Variants in PRRC2B observed in about 807,000 individuals in gnomAD.
The protein encoded by PRRC2B is protein PRRC2B.
PRRC2B carries 68 observed loss-of-function variants against 242.3 expected under a neutral mutation model. The observed-to-expected ratio is 0.28, with a 90% CI of 0.23 to 0.34. PRRC2B has a LOEUF of 0.34. PRRC2B is among the 10% of genes least tolerant of loss of function. The pLI is 1.00. For synonymous variants in PRRC2B, 1,228 were observed against 1,173.6 expected (o/e 1.05, Z -0.95); for missense variants, 2,835 against 2,954.8 (o/e 0.96, Z 0.94).
At chr9:131,476,690 C>T (rs1943711720) in intron 16 of PRRC2B, among the ~76,000 whole-genome samples, 155 bp downstream of exon 16, 1 of 152,168 alleles carries the variant, frequency 6.6e-6, no homozygotes, top group Non-Finnish European at 1.5e-5. Context: ...CCCACATTGC[C>T]TGTCTGCTTC....
intron 5 of PRRC2B, among the ~76,000 whole-genome samples, chr9:131,443,929 T>C (rs921530519): frequency 1.3e-5 from 2 of 152,186 alleles, no homozygotes; most frequent in African/African-American, 2.4e-5. Flanking sequence ...GCGGCTGTGA[T>C]GTCTTACCTC....
At chr9:131,421,052 T>C (rs552709531) in intron 1 of PRRC2B, among the ~76,000 whole-genome samples, 5 of 152,316 alleles carry the variant, frequency 3.3e-5, no homozygotes, top group African/African-American at 1.2e-4. Flanking sequence ...TTTTATGTAT[T>C]GTCTGGGGCT....
chr9:131,383,600 CTTTTTT>C (rs561717754), intron 1 of PRRC2B, among the ~76,000 whole-genome samples: 10 of 120,624 alleles, frequency 8.3e-5, no homozygotes, highest in South Asian at 5.2e-4. Flanking sequence ...TTTGGTTTCT[CTTTTTT>C]TTTTTTTTTT....
chr9:131,395,153 T>C (rs1837011774), intron 1 of PRRC2B, among the ~76,000 whole-genome samples: 1 of 151,604 alleles, frequency 6.6e-6, no homozygotes. Flanking sequence ...GTGTTTTCAG[T>C]GGTGAGCTTG....
rs752352017 is a variant in PRRC2B, at chr9:131,477,806, C to T, written c.4469C>T (p.Pro1490Leu). The T allele has an allele frequency of 3.7e-6, 6 of 1,611,718 alleles. No individual in the cohort carries two copies. Among genetic ancestry groups the T allele is most frequent in the South Asian group, 2.2e-5 (2 of 91,018 alleles). Residue 1490 changes from proline to leucine, a missense_variant, in exon 17 of 32, where the codon CCC becomes CTC. Physicochemically the swap from Pro to Leu is moderately conservative, Grantham distance 98. Around this residue, in one of 7 missense-constraint regions of PRRC2B, gnomAD observed 1,536 missense variants for 1,483.1 expected, o/e 1.04. Transcript: ENST00000683519. Reference sequence around the variant, plus strand: ...TGCAGCAGTGGGAGTGGCCACTCCCCCTATGCCCTGGAGCGGGCAGCCCAT... The same window carrying T: ...TGCAGCAGTGGGAGTGGCCACTCCCTCTATGCCCTGGAGCGGGCAGCCCAT... ...SGCSSGSGHS[P>L]YALERAAHAS...
chr9:131,412,731 A>C (rs1173043445), intron 1 of PRRC2B, among the ~76,000 whole-genome samples: 1 of 151,852 alleles, frequency 6.6e-6, no homozygotes, highest in African/African-American at 2.4e-5. Context: ...GAAATTGACA[A>C]ACTCATTCTG....
In PRRC2B at chr9:131,497,014, CCA is replaced by C. The variant is rs1266749101; in HGVS notation, c.*1145_*1146del. On this transcript the variant is annotated 3_prime_UTR_variant, in exon 32 of 32. Coordinates refer to ENST00000683519, the MANE Select transcript of PRRC2B (RefSeq NM_013318.4). ...CTTTCTCTGGACCTGTCTCCACCTC[CCA>C]CACAGCTCATCGTGAACACCACTTG... The C allele has an allele frequency of 6.6e-6, 1 of 152,386 alleles. No individual in the cohort carries two copies. The highest frequency in any genetic ancestry group is 1.5e-5 in the Non-Finnish European group (1 of 68,136). The allele number at this position is 152,386 out of a possible 1,614,324, so 9.4% of individuals were successfully genotyped here. A position where few individuals can be genotyped will look rare whatever the true frequency, so the allele number is the denominator to read the frequency against.
At chr9:131,404,422 A>G (rs773852629) in intron 1 of PRRC2B, among the ~76,000 whole-genome samples, 2 of 151,966 alleles carry the variant, frequency 1.3e-5, no homozygotes, top group Admixed American at 6.6e-5. Flanking sequence ...AGATTTCACT[A>G]TGTTGGCCAG....
At chr9:131,400,261 T>A (rs1169072407) in intron 1 of PRRC2B, among the ~76,000 whole-genome samples, 1 of 152,078 alleles carries the variant, frequency 6.6e-6, no homozygotes, top group Non-Finnish European at 1.5e-5. Context: ...AAGTTTTGTA[T>A]TTTTTTGTGG....
In PRRC2B at chr9:131,436,693, C is replaced by A. The variant is rs78203057; in HGVS notation, c.367C>A (p.Gln123Lys). The A allele has an allele frequency of 6.2e-7, 1 of 1,613,886 alleles. No homozygotes were observed. The highest frequency in any genetic ancestry group is 8.5e-7 in the Non-Finnish European group (1 of 1,179,900). ...PGLQKSVSNL[Q>K]KPTQSISQEN... The stretch of plus-strand genomic sequence containing the variant: ...TTTGCAGAAATCTGTCTCCAATTTG[C>A]AGAAACCGACACAGTCAATCAGTCA... The change falls in exon 4 of 32, where the codon CAG becomes AAG. Residue 123 changes from glutamine to lysine, a missense_variant. Gln to Lys is a moderately conservative substitution (Grantham distance 53, BLOSUM62 1). Around this residue, in one of 7 missense-constraint regions of PRRC2B, gnomAD observed 626 missense variants for 685.5 expected, o/e 0.91. Transcript: ENST00000683519.
chr9:131,470,679 A>C, intron 13 of PRRC2B, 109 bp from the exon 14 acceptor site: 1 of 820,286 alleles, frequency 1.2e-6, no homozygotes, highest in Non-Finnish European at 2.0e-6. Context: ...CTTCTGTTCT[A>C]GGTGGGCTTT....
At chr9:131,469,163 A>T (rs564142217) in intron 13 of PRRC2B, among the ~76,000 whole-genome samples, 5 of 152,054 alleles carry the variant, frequency 3.3e-5, no homozygotes, top group Non-Finnish European at 7.4e-5. Context: ...GTGAAACCCC[A>T]TCTCTACTAA....
Position 131,459,345 on chromosome 9 carries a change from C to G in PRRC2B, c.1393C>G (p.Pro465Ala). Residue 465 changes from proline (P) to alanine (A), a missense_variant, in exon 11 of 32, where the codon CCT becomes GCT. Physicochemically the swap from Pro to Ala is conservative, Grantham distance 27 (BLOSUM62 -1). Transcript: ENST00000683519. Reference sequence around the variant, plus strand: ...GAAGCTTCATGGCTGGGCACCAGGCCCTGACTACCAGGTACCAAGGGCCCT... The same window carrying G: ...GAAGCTTCATGGCTGGGCACCAGGCGCTGACTACCAGGTACCAAGGGCCCT... Reference protein sequence around the residue: ...PRKLHGWAPGPDYQKSSMGSM... With the variant: ...PRKLHGWAPGADYQKSSMGSM... 1 of 1,612,950 alleles carries G rather than the reference C, an allele frequency of 6.2e-7. No homozygotes were observed. The highest frequency in any genetic ancestry group is 8.5e-7 in the Non-Finnish European group (1 of 1,179,412).
intron 11 of PRRC2B, among the ~76,000 whole-genome samples, chr9:131,463,495 A>G (rs968675911): frequency 6.6e-6 from 1 of 152,092 alleles, no homozygotes; most frequent in African/African-American, 2.4e-5. Context: ...ACAGCTGTCC[A>G]TCATTTGTCC....
At chr9:131,448,543 C>CCAAAAAAAAAAAAA (rs1838883733) in intron 9 of PRRC2B, among the ~76,000 whole-genome samples, 1 of 39,894 alleles carries the variant, frequency 2.5e-5, no homozygotes, top group African/African-American at 8.3e-5. Flanking sequence ...GACACTGTCT[C>CCAAAAAAAAAAAAA]AAAAAAAAAA....
chr9:131,490,816 A>G, intron 28 of PRRC2B: 1 of 315,594 alleles, frequency 3.2e-6, no homozygotes, highest in Non-Finnish European at 6.4e-6. Flanking sequence ...GCAGAGATAT[A>G]CGTCCGATGC....
rs186391812 is a variant in PRRC2B at position 131,384,645 on chromosome 9, C to A, written c.-56+10914C>A. ...ATCTTGGCCAGGCTGGTCTTGAACT[C>A]TTGACCTTGTGATCCACCCGCCTCA... is the stretch of plus-strand genomic sequence containing the variant. On this transcript the variant is annotated intron_variant, in intron 1 of 1. Transcript: ENST00000682525. Among the ~76,000 whole-genome samples, 363 of 151,656 alleles carry A rather than the reference C, an allele frequency of 2.4e-3. 2 individuals are homozygous for A. Among genetic ancestry groups the A allele is most frequent in the Middle Eastern group, 0.014 (4 of 290 alleles).
rs372170495 is a variant in PRRC2B, at chr9:131,487,183, A to G, written c.5873A>G (p.Gln1958Arg). The G allele has an allele frequency of 6.2e-6, 10 of 1,613,698 alleles. No homozygotes were observed. In the African/African-American group the frequency reaches 6.7e-5, roughly 11 times the overall value. ...QSYQQAAAAQ[Q>R]IPISLHTSLQ... Reference sequence around the variant, plus strand: ...CGTTCACAGGCCGCCGCTGCCCAGCAGATCCCGATCTCCCTTCACACATCT... The same window carrying G: ...CGTTCACAGGCCGCCGCTGCCCAGCGGATCCCGATCTCCCTTCACACATCT... The change falls in exon 27 of 32, where the codon CAG (glutamine) becomes CGG (arginine). Residue 1958 changes from glutamine (Q) to arginine (R), a missense_variant. Around this residue, in one of 7 missense-constraint regions of PRRC2B, gnomAD observed 574 missense variants for 626.0 expected, o/e 0.92. Coordinates refer to ENST00000683519, the MANE Select transcript of PRRC2B (RefSeq NM_013318.4). This position sits in a 1 kb window ranked among gnomAD's most constrained non-coding sequence, Gnocchi z 5.3.
chr9:131,413,828 C>T (rs561399676), intron 1 of PRRC2B, among the ~76,000 whole-genome samples: 4 of 152,256 alleles, frequency 2.6e-5, no homozygotes, highest in African/African-American at 4.8e-5. Flanking sequence ...CACACCACCA[C>T]GCCCAGCTAA....
Sources: allele counts gnomAD v4.1 joint callset (sites outside exome capture counted in the v4.1 genomes callset), GRCh38; gene constraint gnomAD v4.1.1; regional missense constraint gnomAD v4.1.1; non-coding constraint Gnocchi (gnomAD v3.1); transcripts MANE v1.5; gene names NCBI Gene and HGNC (gene_info 2026-07-23, HGNC 2026-07-21).